Variants in CDC42BPB observed in about 807,000 individuals in gnomAD.
CDC42BPB encodes serine/threonine-protein kinase MRCK beta.
Under a neutral mutation model 214.9 loss-of-function variants are expected in CDC42BPB, and 37 were observed. The ratio of observed to expected loss-of-function variants is 0.17; its 90% CI spans 0.13 to 0.23. CDC42BPB has a LOEUF of 0.23. Among genes scored for constraint, CDC42BPB ranks in the 10% least tolerant of loss-of-function variants. The probability of loss-of-function intolerance (pLI) is 1.00; values close to 1 mark genes in which losing one functional copy is unlikely to be tolerated. For synonymous variants in CDC42BPB, 931 were observed against 884.0 expected (o/e 1.05, Z -0.94); for missense variants, 1,694 against 2,227.0 (o/e 0.76, Z 4.82).
At chr14:103,030,471 G>A (rs117883821) in intron 1 of CDC42BPB, among the ~76,000 whole-genome samples, 2,288 of 152,132 alleles carry the variant, frequency 0.015, 22 homozygotes, top group Non-Finnish European at 0.021. Flanking sequence ...CAAGGTGTGT[G>A]GATCACCCGA....
Position 103,008,533 on chromosome 14 carries a change from T to G in CDC42BPB, c.290A>C (p.Asn97Thr). 1 of 1,612,396 alleles carries G rather than the reference T, an allele frequency of 6.2e-7. No individual in the cohort carries two copies. Among genetic ancestry groups the G allele is most frequent in the Middle Eastern group, 1.7e-4 (1 of 6,060 alleles). Residue 97 changes from asparagine (N) to threonine (T), a missense_variant, in exon 3 of 37, where the codon AAT becomes ACT. By Grantham distance (65) the Asn-to-Thr change is moderately conservative (BLOSUM62 0). This residue lies in a region of CDC42BPB where 225 missense variants were observed against 459.3 expected (regional missense o/e 0.49). Transcript: ENST00000361246. ...TTTCATTGCATAAATTCGTTCAGTA[T>G]TCTTCATTTTGACAACAGCAACCTG... ...FGEVAVVKMK[N>T]TERIYAMKIL...
intron 25 of CDC42BPB, 108 bp downstream of exon 25, chr14:102,950,358 G>T: frequency 7.0e-7 from 1 of 1,428,776 alleles, no homozygotes; most frequent in Non-Finnish European, 9.6e-7. Flanking sequence ...ACTGGCACCA[G>T]GGCCACCTGC....
rs748211578 is a variant in CDC42BPB at position 102,938,424 on chromosome 14, A to AACG, written c.4828-14_4828-13insCGT. 1 of 1,525,752 alleles carries AACG rather than the reference A, an allele frequency of 6.6e-7. No individual in the cohort carries two copies. The highest frequency in any genetic ancestry group is 8.8e-7 in the Non-Finnish European group (1 of 1,141,878). The allele number at this position is 1,525,752 out of a possible 1,614,324, so 94.5% of individuals were successfully genotyped here. A position where few individuals can be genotyped will look rare whatever the true frequency, so the allele number is the denominator to read the frequency against. On this transcript the variant is annotated splice_polypyrimidine_tract_variant and intron_variant, in intron 34 of 36. Coordinates refer to ENST00000361246, the MANE Select transcript of CDC42BPB (RefSeq NM_006035.4). Reference sequence around the variant, plus strand: ...GGGGCACAGCACTCTGGGCAGAAATAGCAACACGTGAGCATGCTTGGTTGA... The same window carrying AACG: ...GGGGCACAGCACTCTGGGCAGAAATAACGGCAACACGTGAGCATGCTTGGTTGA...
intron 1 of CDC42BPB, among the ~76,000 whole-genome samples, chr14:103,052,405 T>C (rs1268826805): frequency 3.9e-5 from 6 of 152,234 alleles, no homozygotes; most frequent in East Asian, 3.8e-4. Flanking sequence ...AAAAATGTAT[T>C]TGAGCCGGGC....
chr14:103,041,317 A>C (rs1371947435), intron 1 of CDC42BPB, among the ~76,000 whole-genome samples: 2 of 152,284 alleles, frequency 1.3e-5, no homozygotes, highest in Non-Finnish European at 2.9e-5. Flanking sequence ...TAAAACTAAA[A>C]AACTCTTAGA....
chr14:102,956,408 A>C (rs1213543104), intron 21 of CDC42BPB: 1 of 979,008 alleles, frequency 1.0e-6, no homozygotes, highest in Non-Finnish European at 1.2e-6. Flanking sequence ...AACATGTTTC[A>C]TGCAGGCAGC....
At position 102,963,074 on chromosome 14, in the gene CDC42BPB, G is replaced by A; in HGVS notation, c.2808C>T (p.Phe936=). ...EILKKKMEEK[F]RADTGLKLPD... ...ACATTAATTTACCAGTATCTGCTCT[G>A]AATTTTTCTTCCATCTTTTTCTTCA... The change falls in exon 20 of 37, where the codon TTC becomes TTT. Residue 936 remains phenylalanine, a synonymous_variant. Coordinates refer to ENST00000361246, the MANE Select transcript of CDC42BPB (RefSeq NM_006035.4). 1 of 1,480,312 alleles carries A rather than the reference G, an allele frequency of 6.8e-7. No homozygotes were observed. The highest frequency in any genetic ancestry group is 9.4e-7 in the Non-Finnish European group (1 of 1,059,998). The allele number at this position is 1,480,312 out of a possible 1,614,324, so 91.7% of individuals were successfully genotyped here. A position where few individuals can be genotyped will look rare whatever the true frequency, so the allele number is the denominator to read the frequency against.
At chr14:103,036,070 G>A (rs1887645792) in intron 1 of CDC42BPB, among the ~76,000 whole-genome samples, 1 of 151,954 alleles carries the variant, frequency 6.6e-6, no homozygotes, top group South Asian at 2.1e-4. Flanking sequence ...AGGATCACCT[G>A]AGCCCAGGAG....
chr14:102,964,525 C>T lies in CDC42BPB; in HGVS notation c.2703G>A (p.Lys901=). ...QLVQEELRKV[K]DANLTLESKL... ...ACCTTTCCAAGGTGAGGTTGGCGTCCTTGACCTTCCTGAGCTCCTCCTGGA... is the reference window on the plus strand; with the variant it reads ...ACCTTTCCAAGGTGAGGTTGGCGTCTTTGACCTTCCTGAGCTCCTCCTGGA... The change falls in exon 19 of 37, where the codon AAG becomes AAA. Residue 901 remains lysine (K), a synonymous_variant. Transcript: ENST00000361246. 2 of 1,613,782 alleles carry T rather than the reference C, an allele frequency of 1.2e-6. No homozygotes were observed. Among genetic ancestry groups the T allele is most frequent in the Non-Finnish European group, 1.7e-6 (2 of 1,179,966 alleles).
At position 102,938,300 on chromosome 14, in the gene CDC42BPB, C is replaced by G. The variant is rs370232314; in HGVS notation, c.4933+6G>C. 38 of 1,607,970 alleles carry G rather than the reference C, an allele frequency of 2.4e-5. No individual in the cohort carries two copies. Among genetic ancestry groups the G allele is most frequent in the Non-Finnish European group, 3.1e-5 (37 of 1,177,478 alleles). On this transcript the variant is annotated splice_donor_region_variant and intron_variant, in intron 35 of 36. Coordinates refer to ENST00000361246, the MANE Select transcript of CDC42BPB (RefSeq NM_006035.4). The stretch of plus-strand genomic sequence containing the variant: ...CAGGGCTGCGGGGGCCAGGCTTCCC[C>G]TGTACCTGATGAGGGCCACGAGATG...
rs1252291972 is a variant in CDC42BPB at position 103,053,679 on chromosome 14, GT to G, written c.175+3319del. Among the ~76,000 whole-genome samples the G allele has an allele frequency of 1.6e-4, 23 of 146,174 alleles. No homozygotes were observed. The East Asian group carries it at 5.1e-3, about 32-fold the overall frequency. ...CAGGAGGCTGAGGCAGGAGAACAAC[GT>G]GAACCCGGGAGGCAGAGCTTGCAGT... is the stretch of plus-strand genomic sequence containing the variant. On this transcript the variant is annotated intron_variant, in intron 1 of 36. Transcript: ENST00000361246.
intron 1 of CDC42BPB, among the ~76,000 whole-genome samples, chr14:103,040,730 T>A (rs943162867): frequency 6.6e-6 from 1 of 152,178 alleles, no homozygotes; most frequent in Non-Finnish European, 1.5e-5. Flanking sequence ...AGTGTTGGGA[T>A]TACAGGCGTG....
chr14:103,056,814 G>A (rs573291881), intron 1 of CDC42BPB, among the ~76,000 whole-genome samples, 185 bp downstream of exon 1: 3 of 152,146 alleles, frequency 2.0e-5, no homozygotes, highest in South Asian at 2.1e-4. Flanking sequence ...TGCAAGGAGC[G>A]GCTGGAGAGA....
In CDC42BPB at chr14:102,949,823, G is replaced by C; in HGVS notation, c.3391C>G (p.Leu1131Val). ...VCDCKLFLYD[L>V]PEGKSTQPGV... ...GGCTGGGTGGATTTTCCTTCAGGCAGATCATACAGGAAGAGCTTGCAGTCA... is the reference window on the plus strand; with the variant it reads ...GGCTGGGTGGATTTTCCTTCAGGCACATCATACAGGAAGAGCTTGCAGTCA... The change falls in exon 26 of 37, where the codon CTG becomes GTG. Residue 1131 changes from leucine to valine, a missense_variant. Leu to Val is a conservative substitution (Grantham distance 32). Coordinates refer to ENST00000361246, the MANE Select transcript of CDC42BPB (RefSeq NM_006035.4). The C allele has an allele frequency of 8.7e-6, 14 of 1,613,638 alleles. No individual in the cohort carries two copies. The highest frequency in any genetic ancestry group is 1.6e-4 in the Middle Eastern group (1 of 6,062).
chr14:103,004,201 T>G lies in CDC42BPB; in HGVS notation c.352-178A>C. 7.5e-7 allele frequency: 1 copy of G among 1,336,186 alleles called. No individual in the cohort carries two copies. Among genetic ancestry groups the G allele is most frequent in the Non-Finnish European group, 9.6e-7 (1 of 1,040,140 alleles). 82.8% of individuals were successfully genotyped at this position (1,336,186 alleles called of 1,614,324 possible). On this transcript the variant is annotated intron_variant, in intron 3 of 36. Coordinates refer to ENST00000361246, the MANE Select transcript of CDC42BPB (RefSeq NM_006035.4). This position sits in a 1 kb window ranked among gnomAD's most constrained non-coding sequence, Gnocchi z 5.3. ...GGCTGAGCCATCCCTCATCCCTTCCTCTCCCAAGCCCCGTGCAAGTGCCAA... is the reference window on the plus strand; with the variant it reads ...GGCTGAGCCATCCCTCATCCCTTCCGCTCCCAAGCCCCGTGCAAGTGCCAA...
At chr14:103,030,858 G>A (rs1360565322) in intron 1 of CDC42BPB, among the ~76,000 whole-genome samples, 1 of 151,814 alleles carries the variant, frequency 6.6e-6, no homozygotes, top group African/African-American at 2.4e-5. Context: ...GTGGTGGCAT[G>A]CACCTACAGT....
At chr14:102,997,189 TG>T (rs1894778524) in intron 5 of CDC42BPB, among the ~76,000 whole-genome samples, 1 of 152,104 alleles carries the variant, frequency 6.6e-6, no homozygotes, top group African/African-American at 2.4e-5. Flanking sequence ...CACAAAGCCA[TG>T]GAGACCACAA....
chr14:102,996,342 A>C (rs773068918), intron 5 of CDC42BPB, among the ~76,000 whole-genome samples: 1 of 151,544 alleles, frequency 6.6e-6, no homozygotes, highest in Non-Finnish European at 1.5e-5. Flanking sequence ...TCCGTCTCAA[A>C]AAAGAAAAGA....
At chr14:103,002,087 G>A (rs1344068859) in intron 4 of CDC42BPB, among the ~76,000 whole-genome samples, 1 of 152,206 alleles carries the variant, frequency 6.6e-6, no homozygotes, top group Non-Finnish European at 1.5e-5. Context: ...AATAGAAACT[G>A]TAGCAGAACC....
Sources: gnomAD v4.1 joint callset for allele counts (sites outside exome capture counted in the v4.1 genomes callset) on GRCh38, gnomAD v4.1.1 for gene constraint, gnomAD v4.1.1 regional missense constraint, Gnocchi (gnomAD v3.1) non-coding constraint, MANE v1.5 for transcripts, NCBI Gene and HGNC (gene_info 2026-07-23, HGNC 2026-07-21) for gene names.